Variants in ECM2 observed in about 807,000 individuals in gnomAD.
ECM2 encodes extracellular matrix protein 2, also known as extracellular matrix protein 2, female organ and adipocyte specific.
In ECM2, 57 loss-of-function variants were observed where a neutral mutation model predicts 67.5. That is an observed-to-expected ratio of 0.84 (90% CI 0.68 to 1.05). The LOEUF is 1.05. ECM2 is among the 50% of genes least tolerant of loss of function. The pLI, the probability that ECM2 is intolerant of heterozygous loss-of-function variation, is 0.00. For synonymous variants in ECM2, 258 were observed against 294.5 expected (o/e 0.88, Z 1.27); for missense variants, 741 against 822.8 (o/e 0.90, Z 1.22).
rs765928376 is a variant in ECM2, at chr9:92,517,689, G to C, written c.479C>G (p.Thr160Ser). The C allele has an allele frequency of 3.1e-6, 5 of 1,614,162 alleles. No individual in the cohort carries two copies. The South Asian group carries it at 4.4e-5, about 14-fold the overall frequency. Residue 160 changes from threonine (T) to serine (S), a missense_variant and splice_region_variant, in exon 3 of 10, where the codon ACT (threonine) becomes AGT (serine). Coordinates refer to ENST00000344604, the MANE Select transcript of ECM2 (RefSeq NM_001393.4). ...EGECCPVCSA[T>S]VSYSLLSGIA... Reference sequence around the variant, plus strand: ...TTTGCTTAGCTAAATCTCTGTACCAGTAGCGGAGCAGACCGGGCAGCATTC... The same window carrying C: ...TTTGCTTAGCTAAATCTCTGTACCACTAGCGGAGCAGACCGGGCAGCATTC...
intron 2 of ECM2, among the ~76,000 whole-genome samples, chr9:92,521,364 A>G (rs1248557626): frequency 6.6e-6 from 1 of 152,178 alleles, no homozygotes; most frequent in Non-Finnish European, 1.5e-5. Context: ...AGCAGTTATG[A>G]GTACATTATT....
chr9:92,549,865 C>A, the ECM2 span, among the ~76,000 whole-genome samples: 1 of 152,128 alleles, frequency 6.6e-6, no homozygotes, highest in Non-Finnish European at 1.5e-5. Context: ...TGTTCAGGAG[C>A]CAGGCTTAGT....
rs762503486 is a variant in ECM2 at position 92,514,848 on chromosome 9, A to C, written c.837T>G (p.Gly279=). ...CCTCCTCATCCTCCTCACCCTCCTC[A>C]CCCTCCTCCTCCTCATCCTCCTCCT... ...REEEEDEEEE[G]EEGEEDEEDE... Residue 279 remains glycine (G), a synonymous_variant, in exon 4 of 10, where the codon GGT becomes GGG. Transcript: ENST00000344604. 3 of 1,608,306 alleles carry C rather than the reference A, an allele frequency of 1.9e-6. No homozygotes were observed. The highest frequency in any genetic ancestry group is 1.4e-5 in the African/African-American group (1 of 74,070).
chr9:92,546,829 A>G, the ECM2 span, among the ~76,000 whole-genome samples: 1 of 152,224 alleles, frequency 6.6e-6, no homozygotes, highest in Admixed American at 6.5e-5. Flanking sequence ...AAGAAGAATC[A>G]GAAAATCTAA....
intron 3 of ECM2, among the ~76,000 whole-genome samples, chr9:92,516,209 A>G (rs1588213728): frequency 6.6e-6 from 1 of 151,640 alleles, no homozygotes; most frequent in East Asian, 1.9e-4. Flanking sequence ...GATTACAGGC[A>G]CCCCACCACC....
the ECM2 span, among the ~76,000 whole-genome samples, chr9:92,558,956 T>C: frequency 6.6e-6 from 1 of 151,970 alleles, no homozygotes; most frequent in Non-Finnish European, 1.5e-5. Context: ...CCACGCAAAC[T>C]GCAAACTGAA....
Position 92,514,938 on chromosome 9 carries a change from G to A in ECM2, c.747C>T (p.Asp249=), listed in dbSNP as rs777469127. The A allele has an allele frequency of 6.2e-7, 1 of 1,613,872 alleles. No individual in the cohort carries two copies. Among genetic ancestry groups the A allele is most frequent in the Non-Finnish European group, 8.5e-7 (1 of 1,179,942 alleles). Reference sequence around the variant, plus strand: ...TCTCCTCTCCAGGCCTCTGCTTTCTGTCTCCTCCTCTGCTGTCCCCCTCAC... The same window carrying A: ...TCTCCTCTCCAGGCCTCTGCTTTCTATCTCCTCCTCTGCTGTCCCCCTCAC... The part of the protein sequence containing the change: ...LYSEGDSRGG[D]RKQRPGEERR... The change falls in exon 4 of 10, where the codon GAC becomes GAT. Residue 249 remains aspartate (D), a synonymous_variant. Transcript: ENST00000344604.
the ECM2 span, among the ~76,000 whole-genome samples, chr9:92,543,803 A>G: frequency 6.6e-6 from 1 of 152,102 alleles, no homozygotes; most frequent in East Asian, 1.9e-4. Context: ...GTTATTACGT[A>G]TCTATTGTAA....
At chr9:92,540,906 A>G (rs2131308542), upstream of ECM2, among the ~76,000 whole-genome samples, 1 of 152,310 alleles carries the variant, frequency 6.6e-6, no homozygotes, top group East Asian at 1.9e-4. Flanking sequence ...TCGATAAAGT[A>G]AAAAACAAAT....
At chr9:92,502,785 G>T in intron 7 of ECM2, 133 bp from the exon 8 acceptor site, 7 of 642,430 alleles carry the variant, frequency 1.1e-5, no homozygotes, top group Admixed American at 4.2e-5. Flanking sequence ...TTTCAAGTAA[G>T]CTCATATTTT....
chr9:92,493,957 G>T (rs1039595297), downstream of ECM2: 2 of 774,568 alleles, frequency 2.6e-6, no homozygotes, highest in Non-Finnish European at 2.0e-6. Flanking sequence ...AATCCAGGCC[G>T]TTGAGGGTGG....
chr9:92,501,460 G>T (rs970698727), intron 8 of ECM2, among the ~76,000 whole-genome samples: 4 of 152,260 alleles, frequency 2.6e-5, no homozygotes, highest in Non-Finnish European at 5.9e-5. Flanking sequence ...AAGGAAGTTT[G>T]GTTTGTTTTG....
intron 6 of ECM2, 62 bp from the exon 7 acceptor site, chr9:92,505,752 C>G: frequency 7.2e-7 from 1 of 1,383,384 alleles, no homozygotes; most frequent in Non-Finnish European, 9.8e-7. Context: ...ATTTTTGTAG[C>G]CTTTTGAAAT....
chr9:92,515,820 T>C (rs1451447722), intron 3 of ECM2, among the ~76,000 whole-genome samples: 1 of 152,254 alleles, frequency 6.6e-6, no homozygotes, highest in Non-Finnish European at 1.5e-5. Context: ...TCATCTTTAC[T>C]ACCTGAGACT....
At position 92,514,728 on chromosome 9, in the gene ECM2, C is replaced by A. The variant is rs749910227; in HGVS notation, c.957G>T (p.Gly319=). ...TGATGGTCCTGTAGGACAGAGAGCA[C>A]CCGCTTGGCAGGCGCAGTGTGCCTC... ...PPRGTLRLPS[G]CSLSYRTISC... Residue 319 remains glycine (G), a synonymous_variant, in exon 4 of 10, where the codon GGG becomes GGT. Coordinates refer to ENST00000344604, the MANE Select transcript of ECM2 (RefSeq NM_001393.4). The A allele has an allele frequency of 6.2e-7, 1 of 1,607,796 alleles. No homozygotes were observed. Among genetic ancestry groups the A allele is most frequent in the Non-Finnish European group, 8.5e-7 (1 of 1,174,426 alleles).
chr9:92,503,277 T>C (rs1846798740), intron 7 of ECM2, among the ~76,000 whole-genome samples: 1 of 152,198 alleles, frequency 6.6e-6, no homozygotes. Flanking sequence ...TTAAAAACTC[T>C]GAAAAGTAGA....
Position 92,495,724 on chromosome 9 carries a change from A to G in ECM2, c.*591T>C. 1.1e-6 allele frequency: 1 copy of G among 926,638 alleles called. No individual in the cohort carries two copies. The highest frequency in any genetic ancestry group is 1.3e-6 in the Non-Finnish European group (1 of 776,570). The allele number at this position is 926,638 out of a possible 1,614,324, so 57.4% of individuals were successfully genotyped here. A position where few individuals can be genotyped will look rare whatever the true frequency, so the allele number is the denominator to read the frequency against. On this transcript the variant is annotated 3_prime_UTR_variant, in exon 10 of 10. Coordinates refer to ENST00000344604, the MANE Select transcript of ECM2 (RefSeq NM_001393.4). ...GTACATAACCATAATATGATTTTCA[A>G]AACCAGGAAATTAACATTACAGTAG...
chr9:92,509,209 G>A (rs1847190263), intron 6 of ECM2, among the ~76,000 whole-genome samples: 1 of 152,030 alleles, frequency 6.6e-6, no homozygotes, highest in South Asian at 2.1e-4. Context: ...CACATGCCGT[G>A]GGGTGTGGAG....
At chr9:92,536,034 A>G (rs754916241), upstream of ECM2, 1 of 505,972 alleles carries the variant, frequency 2.0e-6, no homozygotes, top group South Asian at 1.5e-5. Flanking sequence ...AAAGGACAGA[A>G]GGGAATGTTG....
Sources: allele counts gnomAD v4.1 joint callset (sites outside exome capture counted in the v4.1 genomes callset), GRCh38; gene constraint gnomAD v4.1.1; transcripts MANE v1.5; gene names NCBI Gene and HGNC (gene_info 2026-07-23, HGNC 2026-07-21).